The following TUBGCP5 variants were observed in gnomAD, a reference collection of about 807,000 sequenced individuals.
TUBGCP5 encodes gamma-tubulin complex component 5.
A neutral mutation model predicts 134.7 loss-of-function variants in TUBGCP5; 98 were observed. That is an observed-to-expected ratio of 0.73 (90% CI 0.62 to 0.86). The LOEUF (loss-of-function observed/expected upper bound fraction) is 0.86, where lower values mean the gene tolerates loss of function less well. TUBGCP5 is among the 40% of genes least tolerant of loss of function. The pLI is 0.00. For missense variants in TUBGCP5, 1,150 were observed against 1,244.8 expected, an observed-to-expected ratio of 0.92 and a Z score of 1.15; for synonymous variants, 456 against 431.4, an observed-to-expected ratio of 1.06 and a Z score of -0.71.
rs200744641 is a variant in TUBGCP5, at chr15:23,025,693, T to TG, written c.827+422dup. 7.0e-3 allele frequency among the ~76,000 whole-genome samples: 1,071 copies of TG among 152,080 alleles called. 5 individuals are homozygous for TG. Among genetic ancestry groups the TG allele is most frequent in the African/African-American group, 0.023 (944 of 41,484 alleles). On this transcript the variant is annotated intron_variant, in intron 8 of 22. Coordinates refer to ENST00000615383, the MANE Select transcript of TUBGCP5 (RefSeq NM_052903.6). ...TAAAAAAGTAAAAATTAGCCGGGCT[T>TG]GGTGGTGGGTTCCTGTAGTCCCAGC...
At chr15:22,987,571 C>G (rs1031352568) in intron 23 of TUBGCP5, among the ~76,000 whole-genome samples, 1 of 151,780 alleles carries the variant, frequency 6.6e-6, no homozygotes, top group African/African-American at 2.4e-5. Flanking sequence ...AAGTAGAGTC[C>G]TCATGAGTGG....
Position 22,999,670 on chromosome 15 carries a change from G to A in TUBGCP5, c.*150C>T. On this transcript the variant is annotated 3_prime_UTR_variant, in exon 23 of 23. Coordinates refer to ENST00000615383, the MANE Select transcript of TUBGCP5 (RefSeq NM_052903.6). ...CCTGTCTTGGCCTCCCATCGTGCTG[G>A]GATTAGAGGCATGAGCGACTGTGCC... 1.2e-6 allele frequency: 1 copy of A among 808,184 alleles called. No individual in the cohort carries two copies. The highest frequency in any genetic ancestry group is 2.0e-6 in the Non-Finnish European group (1 of 506,010). 50.1% of individuals were successfully genotyped at this position (808,184 alleles called of 1,614,324 possible).
At chr15:22,988,569 TA>T (rs1271858766) in intron 23 of TUBGCP5, among the ~76,000 whole-genome samples, 1 of 150,962 alleles carries the variant, frequency 6.6e-6, no homozygotes, top group Non-Finnish European at 1.5e-5. Flanking sequence ...CCGTCTCTAC[TA>T]GAAAATACAA....
intron 10 of TUBGCP5, among the ~76,000 whole-genome samples, chr15:23,022,918 G>A (rs947118452): frequency 2.6e-5 from 4 of 152,118 alleles, no homozygotes; most frequent in African/African-American, 4.8e-5. Context: ...AGACCAAAAC[G>A]TCTGGTAACA....
intron 20 of TUBGCP5, 107 bp downstream of exon 20, chr15:23,003,995 A>T: frequency 1.4e-6 from 2 of 1,395,018 alleles, no homozygotes; most frequent in Non-Finnish European, 1.9e-6. Flanking sequence ...GTTCTTCCTT[A>T]AAGAATATTC....
chr15:23,023,631 A>G, intron 10 of TUBGCP5: 1 of 278,196 alleles, frequency 3.6e-6, no homozygotes. Flanking sequence ...TGCACTGCTC[A>G]TGTATGTTGA....
intron 23 of TUBGCP5, among the ~76,000 whole-genome samples, chr15:22,991,485 G>C (rs1950864894): frequency 6.6e-6 from 1 of 152,136 alleles, no homozygotes; most frequent in South Asian, 2.1e-4. Context: ...AGGTTTACTA[G>C]AGTTCTTCCT....
In TUBGCP5 at chr15:23,007,481, G is replaced by A. The variant is rs143018528; in HGVS notation, c.2328-1129C>T. Among the ~76,000 whole-genome samples, 23 of 152,194 alleles carry A rather than the reference G, an allele frequency of 1.5e-4. No homozygotes were observed. The East Asian group carries it at 3.7e-3, about 24-fold the overall frequency. On this transcript the variant is annotated intron_variant, in intron 16 of 22. Coordinates refer to ENST00000615383, the MANE Select transcript of TUBGCP5 (RefSeq NM_052903.6). Reference sequence around the variant, plus strand: ...CTACCAAATACTAATACTAAGTTAGGTGCTGCACTGAGCAGGCAATAGAAA... The same window carrying A: ...CTACCAAATACTAATACTAAGTTAGATGCTGCACTGAGCAGGCAATAGAAA...
At chr15:22,997,219 A>G (rs1257326823), downstream of TUBGCP5, among the ~76,000 whole-genome samples, 1 of 151,100 alleles carries the variant, frequency 6.6e-6, no homozygotes, top group Non-Finnish European at 1.5e-5. Flanking sequence ...TTGCTCTGTC[A>G]CCCAGGCTGG....
At position 23,033,293 on chromosome 15, in the gene TUBGCP5, C is replaced by T. The variant is rs139836509; in HGVS notation, c.310-469G>A. ...TATGTTGTTTCATATTTTTTTTCCC[C>T]CCGAGATGGATTTTCGCTCTGTCGC... On this transcript the variant is annotated intron_variant, in intron 3 of 22. Coordinates refer to ENST00000615383, the MANE Select transcript of TUBGCP5 (RefSeq NM_052903.6). Among the ~76,000 whole-genome samples the T allele has an allele frequency of 3.3e-5, 5 of 151,754 alleles. No individual in the cohort carries two copies. In the East Asian group the frequency reaches 7.7e-4, roughly 23 times the overall value.
rs200423631 is a variant in TUBGCP5, at chr15:23,024,236, G to C, written c.922-43C>G. 3.1e-6 allele frequency: 5 copies of C among 1,589,464 alleles called. No homozygotes were observed. The Admixed American group carries it at 8.8e-5, about 28-fold the overall frequency. ...TGCAATTATTCAAAGGTGGTCTTCTGTAAACATTCAAATTCATTTCCCTCT... is the reference window on the plus strand; with the variant it reads ...TGCAATTATTCAAAGGTGGTCTTCTCTAAACATTCAAATTCATTTCCCTCT... On this transcript the variant is annotated intron_variant, in intron 9 of 22. Transcript: ENST00000615383.
At chr15:23,036,640 A>G (rs1022733356) in intron 3 of TUBGCP5, among the ~76,000 whole-genome samples, 6 of 152,166 alleles carry the variant, frequency 3.9e-5, no homozygotes, top group African/African-American at 1.4e-4. Flanking sequence ...AAACAATGCT[A>G]CTATTTGTAT....
In TUBGCP5 at chr15:23,037,100, C is replaced by T. The variant is rs1315982494; in HGVS notation, c.199G>A (p.Gly67Arg). 1.2e-6 allele frequency: 2 copies of T among 1,613,754 alleles called. No homozygotes were observed. The highest frequency in any genetic ancestry group is 1.7e-6 in the Non-Finnish European group (2 of 1,179,910). The change falls in exon 2 of 23, where the codon GGA becomes AGA. Residue 67 changes from glycine to arginine, a missense_variant and splice_region_variant. By Grantham distance (125) the Gly-to-Arg change is moderately radical. This residue lies in a region of TUBGCP5 where 453 missense variants were observed against 394.7 expected (regional missense o/e 1.15). Coordinates refer to ENST00000615383, the MANE Select transcript of TUBGCP5 (RefSeq NM_052903.6). The stretch of plus-strand genomic sequence containing the variant: ...GCGTATATATACACACTGACTTACC[C>T]TTCGATTGTTTTTTCTATTTTGTGG... ...NSHKIEKTIE[G>R]IYEKFVIHSD...
chr15:23,024,644 A>G, intron 9 of TUBGCP5, 93 bp downstream of exon 9: 1 of 705,756 alleles, frequency 1.4e-6, no homozygotes, highest in Non-Finnish European at 2.3e-6. Flanking sequence ...AACGAGTTCA[A>G]TAGCAATTTT....
chr15:23,032,796 A>G lies in TUBGCP5; in HGVS notation c.338T>C (p.Leu113Pro), dbSNP rs772727272. 1.9e-6 allele frequency: 3 copies of G among 1,593,624 alleles called. No homozygotes were observed. The highest frequency in any genetic ancestry group is 1.2e-5 in the South Asian group (1 of 86,840). ...KTDAHYSILS[L>P]LLCLSDSPSN... ...AGGAGAGTCTGACAGACACAGAAGA[A>G]GTGACAGTATGGAATAATGTGCATC... Residue 113 changes from leucine (L) to proline (P), a missense_variant, in exon 4 of 23, where the codon CTT (leucine) becomes CCT (proline). Leu to Pro is a moderately conservative substitution (Grantham distance 98). Transcript: ENST00000615383.
intron 18 of TUBGCP5, 105 bp downstream of exon 18, chr15:23,005,947 T>C: frequency 7.8e-7 from 1 of 1,286,098 alleles, no homozygotes; most frequent in Non-Finnish European, 1.0e-6. Flanking sequence ...CACCAACTTT[T>C]TTTTTTTTTC....
intron 13 of TUBGCP5, among the ~76,000 whole-genome samples, chr15:23,014,696 G>T (rs1267733065): frequency 2.6e-5 from 4 of 152,190 alleles, no homozygotes; most frequent in Non-Finnish European, 5.9e-5. Context: ...ACCCAGGCTA[G>T]CAAAGCAGCC....
chr15:22,997,584 T>TA (rs2064150494), downstream of TUBGCP5, among the ~76,000 whole-genome samples: 1 of 152,048 alleles, frequency 6.6e-6, no homozygotes, highest in Admixed American at 6.6e-5. Flanking sequence ...CCACATTTTG[T>TA]TGTTTCCAGT....
chr15:23,007,860 T>C lies in TUBGCP5; in HGVS notation c.2327+839A>G, dbSNP rs1420654799. ...CACTGCTGGTGGTCTGAGGTCACCC[T>C]GGTGAGGGTCAAGTCCGTTTTGGTG... On this transcript the variant is annotated intron_variant, in intron 16 of 22. Transcript: ENST00000615383. Among the ~76,000 whole-genome samples, 15 of 152,210 alleles carry C rather than the reference T, an allele frequency of 9.9e-5. No homozygotes were observed. The East Asian group carries it at 2.9e-3, about 29-fold the overall frequency.
Sources: allele counts gnomAD v4.1 joint callset (sites outside exome capture counted in the v4.1 genomes callset), GRCh38; gene constraint gnomAD v4.1.1; regional missense constraint gnomAD v4.1.1; transcripts MANE v1.5; gene names NCBI Gene and HGNC (gene_info 2026-07-23, HGNC 2026-07-21).